The following KLHL29 variants were observed in gnomAD, a reference collection of about 807,000 sequenced individuals.
KLHL29 encodes the protein kelch-like protein 29.
KLHL29 carries 21 observed loss-of-function variants against 80.4 expected under a neutral mutation model. The ratio of observed to expected loss-of-function variants is 0.26; its 90% CI spans 0.19 to 0.38. KLHL29 has a LOEUF of 0.38. KLHL29 is among the 10% of genes least tolerant of loss of function. KLHL29 has a pLI of 1.00. For synonymous variants in KLHL29, 511 were observed against 526.8 expected, an observed-to-expected ratio of 0.97 and a Z score of 0.41; for missense variants, 867 against 1,223.9, an observed-to-expected ratio of 0.71 and a Z score of 4.35.
intron 3 of KLHL29, among the ~76,000 whole-genome samples, chr2:23,608,020 C>G (rs1370231508): frequency 7.7e-6 from 1 of 130,594 alleles, no homozygotes; most frequent in East Asian, 2.6e-4. Context: ...CTAGGGACCC[C>G]GGAATTGTCC....
At chr2:23,485,530 T>C (rs1402443516) in intron 2 of KLHL29, among the ~76,000 whole-genome samples, 1 of 152,166 alleles carries the variant, frequency 6.6e-6, no homozygotes, top group Non-Finnish European at 1.5e-5. Context: ...GTTCCAAGCA[T>C]AGTCCATGGC....
intron 3 of KLHL29, among the ~76,000 whole-genome samples, chr2:23,580,119 C>G (rs1367305519): frequency 6.6e-6 from 1 of 152,116 alleles, no homozygotes; most frequent in Non-Finnish European, 1.5e-5. Context: ...GCCTGTAATC[C>G]CAGCACTTTG....
intron 5 of KLHL29, among the ~76,000 whole-genome samples, chr2:23,649,309 A>G (rs372720807): frequency 6.6e-6 from 1 of 152,286 alleles, no homozygotes; most frequent in Admixed American, 6.5e-5. Context: ...CCATCTGCAC[A>G]AGGTTCTTCG....
At position 23,684,372 on chromosome 2, in the gene KLHL29, G is replaced by A; in HGVS notation, c.941-27G>A. 7.2e-7 allele frequency: 1 copy of A among 1,396,334 alleles called. No homozygotes were observed. Among genetic ancestry groups the A allele is most frequent in the Non-Finnish European group, 9.4e-7 (1 of 1,067,296 alleles). 86.5% of individuals were successfully genotyped at this position (1,396,334 alleles called of 1,614,324 possible). A position where few individuals can be genotyped will look rare whatever the true frequency, so the allele number is the denominator to read the frequency against. On this transcript the variant is annotated intron_variant, in intron 5 of 13. Transcript: ENST00000486442. This position sits in a 1 kb window ranked among gnomAD's most constrained non-coding sequence, Gnocchi z 4.4. ...AAAAAAAACTCTTAATGGGAACCTG[G>A]CCCTGTCTGTCTTCTCTGTTCTGCA...
chr2:23,682,389 C>G lies in KLHL29; in HGVS notation c.941-2010C>G, dbSNP rs1403833106. 6.6e-6 allele frequency among the ~76,000 whole-genome samples: 1 copy of G among 152,156 alleles called. No homozygotes were observed. The highest frequency in any genetic ancestry group is 2.4e-5 in the African/African-American group (1 of 41,420). ...TGATAGGAGGCCCAGTGCAGGTTCA[C>G]CCTCAGGTCTGGCTTCGAGGCTCAA... On this transcript the variant is annotated intron_variant, in intron 5 of 13. Transcript: ENST00000486442. The surrounding 1 kb of genome is among the most constrained non-coding windows in gnomAD (Gnocchi z 4.1).
At chr2:23,434,063 T>C (rs1203434294) in intron 1 of KLHL29, among the ~76,000 whole-genome samples, 1 of 151,954 alleles carries the variant, frequency 6.6e-6, no homozygotes, top group Non-Finnish European at 1.5e-5. Context: ...GGCTCACGCC[T>C]GTAATCCCAG....
At chr2:23,412,006 G>T (rs1000382677) in intron 1 of KLHL29, among the ~76,000 whole-genome samples, 8 of 152,088 alleles carry the variant, frequency 5.3e-5, no homozygotes, top group Non-Finnish European at 1.2e-4. Context: ...AAAGGGTGGT[G>T]AGAGCATTTG....
intron 3 of KLHL29, among the ~76,000 whole-genome samples, chr2:23,631,850 A>C (rs745707739): frequency 1.3e-5 from 2 of 152,164 alleles, no homozygotes; most frequent in Non-Finnish European, 2.9e-5. Context: ...TCCATGAGCC[A>C]CATAAGCAAG....
chr2:23,465,383 G>A (rs1371963121), intron 1 of KLHL29, among the ~76,000 whole-genome samples: 2 of 152,226 alleles, frequency 1.3e-5, no homozygotes, highest in East Asian at 3.8e-4. Flanking sequence ...GCCTCTCTGT[G>A]TGTGAGGGCA....
chr2:23,622,951 C>A (rs1669221571), intron 3 of KLHL29, among the ~76,000 whole-genome samples: 1 of 152,202 alleles, frequency 6.6e-6, no homozygotes, highest in Non-Finnish European at 1.5e-5. Context: ...TGGATTTGAA[C>A]CAGGCAGCTG....
At chr2:23,460,473 A>G (rs1238052137) in intron 1 of KLHL29, among the ~76,000 whole-genome samples, 1 of 152,162 alleles carries the variant, frequency 6.6e-6, no homozygotes, top group Non-Finnish European at 1.5e-5. Flanking sequence ...AAATGCTGCT[A>G]AGCATCTTAA....
At chr2:23,470,738 G>A (rs1169037524) in intron 1 of KLHL29, among the ~76,000 whole-genome samples, 1 of 152,086 alleles carries the variant, frequency 6.6e-6, no homozygotes, top group Non-Finnish European at 1.5e-5. Context: ...GCTCCTTAAT[G>A]GAATAGGCAA....
intron 2 of KLHL29, among the ~76,000 whole-genome samples, chr2:23,561,423 A>G (rs1667443781): frequency 1.3e-5 from 2 of 152,136 alleles, no homozygotes; most frequent in Admixed American, 6.5e-5. Context: ...AGTCTGGTTA[A>G]CAGAGGCCAG....
At chr2:23,613,788 A>AAAAAAAAAAAAAAAAAC (rs1553344242) in intron 3 of KLHL29, among the ~76,000 whole-genome samples, 1 of 147,352 alleles carries the variant, frequency 6.8e-6, no homozygotes, top group Non-Finnish European at 1.5e-5. Context: ...AAAAAAAAAA[A>AAAAAAAAAAAAAAAAAC]AACCCACCAC....
chr2:23,618,818 G>C lies in KLHL29; in HGVS notation c.286-20321G>C, dbSNP rs577408457. Among the ~76,000 whole-genome samples, 5 of 152,312 alleles carry C rather than the reference G, an allele frequency of 3.3e-5. No individual in the cohort carries two copies. In the South Asian group the frequency reaches 1.0e-3, roughly 32 times the overall value. ...TCTTAACATCTTTCCTGAACCCATA[G>C]CTTGATCAAGCTACCTGTGTCCTCT... On this transcript the variant is annotated intron_variant, in intron 3 of 13. Transcript: ENST00000486442.
intron 2 of KLHL29, among the ~76,000 whole-genome samples, chr2:23,536,486 G>A (rs1401671807): frequency 1.3e-5 from 2 of 152,198 alleles, no homozygotes; most frequent in Non-Finnish European, 2.9e-5. Context: ...AAAGGAGGCT[G>A]ACTCTCCCCG....
chr2:23,558,139 G>A (rs1248143961), intron 2 of KLHL29, among the ~76,000 whole-genome samples: 2 of 152,158 alleles, frequency 1.3e-5, no homozygotes, highest in African/African-American at 2.4e-5. Flanking sequence ...CAACTTAACT[G>A]CAGTGGCAGC....
intron 1 of KLHL29, among the ~76,000 whole-genome samples, chr2:23,420,601 G>T (rs180941447): frequency 3.3e-4 from 51 of 152,292 alleles, no homozygotes; most frequent in Admixed American, 7.2e-4. Context: ...GTATTTTCTG[G>T]CAAGAAATTC....
chr2:23,610,686 G>A (rs999156439), intron 3 of KLHL29, among the ~76,000 whole-genome samples: 1 of 152,258 alleles, frequency 6.6e-6, no homozygotes, highest in Non-Finnish European at 1.5e-5. Flanking sequence ...GCCCTGTGTG[G>A]TGGGGCGGGT....
Sources: gnomAD v4.1 joint callset for allele counts (sites outside exome capture counted in the v4.1 genomes callset) on GRCh38, gnomAD v4.1.1 for gene constraint, Gnocchi (gnomAD v3.1) non-coding constraint, MANE v1.5 for transcripts, NCBI Gene and HGNC (gene_info 2026-07-23, HGNC 2026-07-21) for gene names.